ST6GALNAC3: variants seen among roughly 807,000 people sequenced by gnomAD.
ST6GALNAC3 encodes alpha-N-acetylgalactosaminide alpha-2,6-sialyltransferase 3.
Under a neutral mutation model 32.7 loss-of-function variants are expected in ST6GALNAC3, and 25 were observed. The ratio of observed to expected loss-of-function variants is 0.76; its 90% CI spans 0.56 to 1.07. The LOEUF is 1.07. ST6GALNAC3 is among the 50% of genes least tolerant of loss of function. The pLI, the probability that ST6GALNAC3 is intolerant of heterozygous loss-of-function variation, is 0.00. For missense variants in ST6GALNAC3, 355 were observed against 382.4 expected (o/e 0.93, Z 0.60); for synonymous variants, 129 against 133.1 (o/e 0.97, Z 0.21).
At chr1:76,636,688 C>T (rs959074261), downstream of ST6GALNAC3, among the ~76,000 whole-genome samples, 1 of 152,086 alleles carries the variant, frequency 6.6e-6, no homozygotes, top group African/African-American at 2.4e-5. Context: ...ATCTAGGAAT[C>T]CTTTTCCCTT....
intron 3 of ST6GALNAC3, among the ~76,000 whole-genome samples, chr1:76,541,364 G>A (rs1432311932): frequency 2.0e-5 from 3 of 152,090 alleles, no homozygotes; most frequent in Admixed American, 2.0e-4. Flanking sequence ...AGTTATTCAT[G>A]TTTCCATGCT....
intron 3 of ST6GALNAC3, among the ~76,000 whole-genome samples, chr1:76,570,155 T>C (rs71656891): frequency 6.6e-6 from 1 of 152,138 alleles, no homozygotes; most frequent in Non-Finnish European, 1.5e-5. Context: ...TGTGCACTCA[T>C]GTTTGTTGAG....
At chr1:76,375,355 C>G (rs892313136) in intron 2 of ST6GALNAC3, among the ~76,000 whole-genome samples, 1 of 151,966 alleles carries the variant, frequency 6.6e-6, no homozygotes, top group Admixed American at 6.6e-5. Flanking sequence ...AGAAGGTGTT[C>G]TAGGTATTGG....
chr1:76,114,453 G>A (rs1294784677), intron 1 of ST6GALNAC3, among the ~76,000 whole-genome samples: 1 of 152,094 alleles, frequency 6.6e-6, no homozygotes, highest in Admixed American at 6.5e-5. Flanking sequence ...GCAATAGAGT[G>A]ATTTTCTCTA....
At chr1:76,456,857 A>C (rs1371252342) in intron 3 of ST6GALNAC3, among the ~76,000 whole-genome samples, 2 of 152,178 alleles carry the variant, frequency 1.3e-5, no homozygotes, top group Non-Finnish European at 2.9e-5. Context: ...GGCCAGGGCA[A>C]TTAGGCAGGA....
At chr1:76,479,433 G>A (rs534314836) in intron 3 of ST6GALNAC3, among the ~76,000 whole-genome samples, 17 of 152,252 alleles carry the variant, frequency 1.1e-4, no homozygotes, top group Non-Finnish European at 1.9e-4. Context: ...ATCAGGCTGC[G>A]TGACTTATGA....
At chr1:76,489,606 A>C (rs1355824016) in intron 3 of ST6GALNAC3, among the ~76,000 whole-genome samples, 1 of 152,172 alleles carries the variant, frequency 6.6e-6, no homozygotes. Flanking sequence ...TATGATTTGC[A>C]GTTCCATGGA....
intron 1 of ST6GALNAC3, among the ~76,000 whole-genome samples, chr1:76,131,314 G>A (rs565731271): frequency 2.0e-5 from 3 of 152,312 alleles, no homozygotes; most frequent in African/African-American, 7.2e-5. Flanking sequence ...CCACAAAGAA[G>A]ATGCCATCTA....
intron 3 of ST6GALNAC3, chr1:76,413,106 C>G: frequency 4.9e-6 from 1 of 203,728 alleles, no homozygotes; most frequent in South Asian, 6.7e-5. Flanking sequence ...GCACTTTTTT[C>G]CCTTGAAGCC....
chr1:76,543,566 A>C (rs2100304332), intron 3 of ST6GALNAC3, among the ~76,000 whole-genome samples: 2 of 152,326 alleles, frequency 1.3e-5, no homozygotes, highest in South Asian at 4.1e-4. Context: ...TTTCTTCATT[A>C]CTTTTCTTTT....
At chr1:76,338,076 A>AT (rs1557800442) in intron 2 of ST6GALNAC3, among the ~76,000 whole-genome samples, 1 of 152,176 alleles carries the variant, frequency 6.6e-6, no homozygotes, top group Non-Finnish European at 1.5e-5. Flanking sequence ...ACTGCACAGT[A>AT]TGCTAATGAA....
chr1:76,478,522 G>A (rs1329435041), intron 3 of ST6GALNAC3, among the ~76,000 whole-genome samples: 2 of 152,098 alleles, frequency 1.3e-5, no homozygotes, highest in African/African-American at 4.8e-5. Context: ...TTTCTAGGGA[G>A]ACTTCAATTC....
At chr1:76,520,069 C>T (rs1662417395) in intron 3 of ST6GALNAC3, among the ~76,000 whole-genome samples, 1 of 151,762 alleles carries the variant, frequency 6.6e-6, no homozygotes, top group South Asian at 2.1e-4. Flanking sequence ...TATATTAACT[C>T]TCATTTTCTT....
intron 3 of ST6GALNAC3, among the ~76,000 whole-genome samples, chr1:76,468,446 G>A (rs1255851070): frequency 6.6e-6 from 1 of 151,982 alleles, no homozygotes; most frequent in South Asian, 2.1e-4. Flanking sequence ...CGAGAATGCT[G>A]TAATTTTTCT....
chr1:76,192,680 G>T (rs933569590), intron 1 of ST6GALNAC3, among the ~76,000 whole-genome samples: 2 of 152,160 alleles, frequency 1.3e-5, no homozygotes, highest in Non-Finnish European at 2.9e-5. Flanking sequence ...ATATTCACAG[G>T]TATGTTCTTC....
chr1:76,498,629 C>A lies in ST6GALNAC3; in HGVS notation c.623+86212C>A, dbSNP rs1387600852. 2.0e-5 allele frequency among the ~76,000 whole-genome samples: 3 copies of A among 152,136 alleles called. No individual in the cohort carries two copies. The East Asian group carries it at 5.8e-4, about 29-fold the overall frequency. On this transcript the variant is annotated intron_variant, in intron 3 of 4. Coordinates refer to ENST00000328299, the MANE Select transcript of ST6GALNAC3 (RefSeq NM_152996.4). ...TCTTCTAAAAATATTTTACCTTTAACCACCATTTTCGGACATAAACTACTT... is the reference window on the plus strand; with the variant it reads ...TCTTCTAAAAATATTTTACCTTTAAACACCATTTTCGGACATAAACTACTT...
rs1457682890 is a variant in ST6GALNAC3 at position 76,343,994 on chromosome 1, A to G, written c.213+29995A>G. 2.0e-5 allele frequency among the ~76,000 whole-genome samples: 3 copies of G among 152,360 alleles called. No individual in the cohort carries two copies. The East Asian group carries it at 5.8e-4, about 29-fold the overall frequency. On this transcript the variant is annotated intron_variant, in intron 2 of 4. Transcript: ENST00000328299. Reference sequence around the variant, plus strand: ...TGAGCAAAGGATTGGACAAGGGGCAAGTAGGGCAAGGCCCTATTCTGGGCT... The same window carrying G: ...TGAGCAAAGGATTGGACAAGGGGCAGGTAGGGCAAGGCCCTATTCTGGGCT...
At chr1:76,316,332 A>C (rs920207498) in intron 2 of ST6GALNAC3, among the ~76,000 whole-genome samples, 9 of 152,152 alleles carry the variant, frequency 5.9e-5, no homozygotes, top group African/African-American at 2.2e-4. Context: ...AGGCATGGAC[A>C]GAACATGTAG....
chr1:76,506,735 C>T (rs1046524872), intron 3 of ST6GALNAC3, among the ~76,000 whole-genome samples: 8 of 152,176 alleles, frequency 5.3e-5, no homozygotes, highest in Middle Eastern at 3.4e-3. Flanking sequence ...AGGCAGACCG[C>T]GGTAGACAAT....
Sources: allele counts gnomAD v4.1 joint callset (sites outside exome capture counted in the v4.1 genomes callset), GRCh38; gene constraint gnomAD v4.1.1; transcripts MANE v1.5; gene names NCBI Gene and HGNC (gene_info 2026-07-23, HGNC 2026-07-21).